The following CCDC102B variants were observed in gnomAD, a reference collection of about 807,000 sequenced individuals.
CCDC102B encodes the protein coiled-coil domain-containing protein 102B.
CCDC102B carries 75 observed loss-of-function variants against 57.4 expected under a neutral mutation model. The observed-to-expected ratio is 1.31, with a 90% CI of 1.08 to 1.58. CCDC102B has a LOEUF of 1.58. Ranked by LOEUF, CCDC102B falls within the 40% of genes most tolerant of loss-of-function variation. The probability of loss-of-function intolerance (pLI) is 0.00; values close to 1 mark genes in which losing one functional copy is unlikely to be tolerated. For synonymous variants in CCDC102B, 206 were observed against 201.9 expected, an observed-to-expected ratio of 1.02 and a Z score of -0.17; for missense variants, 636 against 582.6, an observed-to-expected ratio of 1.09 and a Z score of -0.94.
intron 6 of CCDC102B, among the ~76,000 whole-genome samples, chr18:68,900,716 A>G (rs1197544171): frequency 2.6e-5 from 4 of 152,170 alleles, no homozygotes; most frequent in African/African-American, 7.2e-5. Flanking sequence ...ATAAGTTAAC[A>G]TATTTAAAGA....
intron 6 of CCDC102B, among the ~76,000 whole-genome samples, chr18:68,912,120 C>G (rs2040896170): frequency 6.6e-6 from 1 of 152,004 alleles, no homozygotes; most frequent in Non-Finnish European, 1.5e-5. Context: ...TATCATCTGG[C>G]TACTTGATGA....
intron 3 of CCDC102B, among the ~76,000 whole-genome samples, chr18:68,844,179 T>C (rs2037756189): frequency 6.6e-6 from 1 of 151,944 alleles, no homozygotes; most frequent in Non-Finnish European, 1.5e-5. Context: ...TTGAATTTAT[T>C]TTGAGTTTCT....
intron 6 of CCDC102B, among the ~76,000 whole-genome samples, chr18:68,952,259 T>C (rs1425445152): frequency 6.6e-6 from 1 of 152,044 alleles, no homozygotes; most frequent in Non-Finnish European, 1.5e-5. Context: ...TGACAAATTG[T>C]ATACCCCTCT....
chr18:68,973,525 C>T (rs1246485770), intron 6 of CCDC102B, among the ~76,000 whole-genome samples: 1 of 152,046 alleles, frequency 6.6e-6, no homozygotes, highest in South Asian at 2.1e-4. Context: ...CGACATGGTA[C>T]ACTGATATCA....
At chr18:68,914,288 T>C (rs539513270) in intron 6 of CCDC102B, among the ~76,000 whole-genome samples, 1 of 152,200 alleles carries the variant, frequency 6.6e-6, no homozygotes, top group South Asian at 2.1e-4. Context: ...ATGTGCTAGG[T>C]GAATTGGCGT....
chr18:68,723,254 A>T (rs540160758), intron 2 of CCDC102B, among the ~76,000 whole-genome samples: 1 of 152,200 alleles, frequency 6.6e-6, no homozygotes, highest in African/African-American at 2.4e-5. Flanking sequence ...ATACATGGGG[A>T]TTATTACAAT....
chr18:68,734,949 AG>A (rs1297918821), intron 2 of CCDC102B, among the ~76,000 whole-genome samples: 2 of 152,248 alleles, frequency 1.3e-5, no homozygotes, highest in Non-Finnish European at 2.9e-5. Flanking sequence ...AACTCATTTT[AG>A]TAGTATTTCC....
At chr18:69,043,808 G>C (rs1406619680) in intron 7 of CCDC102B, among the ~76,000 whole-genome samples, 1 of 152,002 alleles carries the variant, frequency 6.6e-6, no homozygotes, top group Non-Finnish European at 1.5e-5. Flanking sequence ...GATCTCTCTT[G>C]CTTTTCCCCA....
chr18:68,784,948 G>A (rs2035142439), intron 2 of CCDC102B, among the ~76,000 whole-genome samples: 1 of 151,214 alleles, frequency 6.6e-6, no homozygotes, highest in South Asian at 2.1e-4. Context: ...TTTAGCATTA[G>A]GTATATCTCC....
At position 68,905,420 on chromosome 18, in the gene CCDC102B, T is replaced by C. The variant is rs375315046; in HGVS notation, c.1263+7992T>C. Among the ~76,000 whole-genome samples the C allele has an allele frequency of 8.6e-5, 13 of 151,070 alleles. 1 individual carries two copies. In the East Asian group the frequency reaches 1.2e-3, roughly 14 times the overall value. On this transcript the variant is annotated intron_variant, in intron 6 of 7. Transcript: ENST00000360242. Reference sequence around the variant, plus strand: ...TAAAATTAAAACTAAAATGCAAGTTTGAGTTAAAATCATAAGATTAGTGTA... The same window carrying C: ...TAAAATTAAAACTAAAATGCAAGTTCGAGTTAAAATCATAAGATTAGTGTA...
chr18:68,861,198 T>A (rs763126489), intron 4 of CCDC102B, among the ~76,000 whole-genome samples: 3 of 152,144 alleles, frequency 2.0e-5, no homozygotes, highest in Non-Finnish European at 4.4e-5. Context: ...CAAGTAAATA[T>A]GTCTGAAGTT....
intron 5 of CCDC102B, among the ~76,000 whole-genome samples, chr18:68,893,720 C>A (rs2040153525): frequency 6.6e-6 from 1 of 152,042 alleles, no homozygotes; most frequent in South Asian, 2.1e-4. Flanking sequence ...CAATATCAAG[C>A]CATGGCAGTT....
chr18:68,988,016 A>G (rs2050767008), intron 6 of CCDC102B, among the ~76,000 whole-genome samples: 2 of 152,198 alleles, frequency 1.3e-5, no homozygotes, highest in African/African-American at 4.8e-5. Context: ...AAGCAGAACT[A>G]CCATTCCACT....
intron 7 of CCDC102B, among the ~76,000 whole-genome samples, chr18:69,037,965 C>T (rs2052339744): frequency 6.6e-6 from 1 of 151,956 alleles, no homozygotes; most frequent in Non-Finnish European, 1.5e-5. Flanking sequence ...GCTTTTAAAA[C>T]ATCCTTCAAA....
At chr18:68,970,328 G>C (rs2050268982) in intron 6 of CCDC102B, among the ~76,000 whole-genome samples, 1 of 151,872 alleles carries the variant, frequency 6.6e-6, no homozygotes, top group Admixed American at 6.6e-5. Flanking sequence ...GAACTACATT[G>C]AATTAGAAGT....
intron 4 of CCDC102B, 90 bp downstream of exon 4, chr18:68,846,511 A>G (rs927345945): frequency 5.0e-6 from 4 of 796,668 alleles, no homozygotes; most frequent in Non-Finnish European, 7.8e-6. Context: ...GGCACAACAG[A>G]TAAGAGGAAG....
chr18:69,019,958 A>G (rs939342722), intron 7 of CCDC102B, among the ~76,000 whole-genome samples: 26 of 152,096 alleles, frequency 1.7e-4, no homozygotes, highest in African/African-American at 5.1e-4. Context: ...TTCTGCATCT[A>G]TTGAAATTGT....
intron 1 of CCDC102B, among the ~76,000 whole-genome samples, chr18:68,816,939 T>A (rs886879816): frequency 2.6e-5 from 4 of 152,234 alleles, no homozygotes; most frequent in Non-Finnish European, 5.9e-5. Context: ...AGCTAACTTA[T>A]GCTATGATTC....
intron 6 of CCDC102B, among the ~76,000 whole-genome samples, chr18:68,991,791 G>A (rs1160385604): frequency 6.6e-6 from 1 of 152,168 alleles, no homozygotes; most frequent in Admixed American, 6.5e-5. Context: ...ATTTCCTACT[G>A]TTATATAATT....
Sources: allele counts gnomAD v4.1 joint callset (sites outside exome capture counted in the v4.1 genomes callset), GRCh38; gene constraint gnomAD v4.1.1; transcripts MANE v1.5; gene names NCBI Gene and HGNC (gene_info 2026-07-23, HGNC 2026-07-21).